The following STAU1 variants were observed in gnomAD, a reference collection of about 807,000 sequenced individuals.
STAU1 encodes the protein staufen double-stranded RNA binding protein 1.
A neutral mutation model predicts 62.9 loss-of-function variants in STAU1; 13 were observed. The observed-to-expected ratio is 0.21, with a 90% CI of 0.13 to 0.33. STAU1 has a LOEUF of 0.33. Ranked by LOEUF, STAU1 falls within the 10% of genes least tolerant of loss-of-function variation. STAU1 has a pLI of 1.00. For missense variants in STAU1, 571 were observed against 712.1 expected, an observed-to-expected ratio of 0.80 and a Z score of 2.25; for synonymous variants, 269 against 265.1, an observed-to-expected ratio of 1.01 and a Z score of -0.14.
intron 6 of STAU1, among the ~76,000 whole-genome samples, chr20:49,133,113 A>C (rs1280297858): frequency 6.6e-6 from 1 of 152,198 alleles, no homozygotes; most frequent in African/African-American, 2.4e-5. Flanking sequence ...GCACTCCTAC[A>C]ATTCTTTTAT....
chr20:49,202,992 A>G, the STAU1 span, among the ~76,000 whole-genome samples: 1 of 152,134 alleles, frequency 6.6e-6, no homozygotes, highest in Admixed American at 6.6e-5. Flanking sequence ...CAGTGAGCTG[A>G]GATCACACCA....
At chr20:49,195,898 C>CAAAAAAAAA in the STAU1 span, among the ~76,000 whole-genome samples, 3 of 33,858 alleles carry the variant, frequency 8.9e-5, no homozygotes, top group Admixed American at 6.2e-4. Context: ...AACTTCCTCT[C>CAAAAAAAAA]AAAAAAAAAA....
Position 49,117,472 on chromosome 20 carries a change from CAG to C in STAU1, c.1510-226_1510-225del, listed in dbSNP as rs1327954073. ...AGAAGCCATATCCTTTCCTACCAGA[CAG>C]AAAGTGTCAGCACGATGAGTCTGTT... On this transcript the variant is annotated intron_variant, in intron 11 of 13. Transcript: ENST00000371856. The surrounding 1 kb of genome is among the most constrained non-coding windows in gnomAD (Gnocchi z 4.6). 6.6e-6 allele frequency among the ~76,000 whole-genome samples: 1 copy of C among 152,194 alleles called. No homozygotes were observed. The highest frequency in any genetic ancestry group is 6.5e-5 in the Admixed American group (1 of 15,282).
chr20:49,123,278 G>A (rs890714045), intron 7 of STAU1, 43 bp from the exon 8 acceptor site: 7 of 1,613,330 alleles, frequency 4.3e-6, no homozygotes, highest in Middle Eastern at 3.3e-4. Flanking sequence ...GTTATTCACC[G>A]CATGAACTTG....
At chr20:49,116,613 A>C (rs1227445749) in intron 12 of STAU1, among the ~76,000 whole-genome samples, 1 of 148,586 alleles carries the variant, frequency 6.7e-6, no homozygotes, top group Admixed American at 6.6e-5. Context: ...TGCTGGGATT[A>C]GTGTGAGCCA....
chr20:49,158,372 GA>G, intron 3 of STAU1: 4 of 1,101,282 alleles, frequency 3.6e-6, no homozygotes, highest in Non-Finnish European at 4.9e-6. Flanking sequence ...ATTTACAAGG[GA>G]AACCTGGATT....
upstream of STAU1, among the ~76,000 whole-genome samples, chr20:49,188,558 G>C (rs2093821155): frequency 6.6e-6 from 1 of 152,254 alleles, no homozygotes; most frequent in Non-Finnish European, 1.5e-5. Flanking sequence ...CCCGTCCTGA[G>C]TCCCGGGGCC....
chr20:49,144,566 G>A (rs2093082769), intron 5 of STAU1, among the ~76,000 whole-genome samples: 2 of 152,150 alleles, frequency 1.3e-5, no homozygotes, highest in African/African-American at 4.8e-5. Flanking sequence ...CTTCTGATTT[G>A]TTAATCATCA....
At chr20:49,152,507 A>C (rs2093272079) in intron 4 of STAU1, among the ~76,000 whole-genome samples, 2 of 151,246 alleles carry the variant, frequency 1.3e-5, no homozygotes, top group Admixed American at 1.3e-4. Context: ...CCATGCCTGT[A>C]TTTTTAGTAT....
chr20:49,126,106 A>G (rs1397542083), intron 6 of STAU1, among the ~76,000 whole-genome samples: 1 of 151,984 alleles, frequency 6.6e-6, no homozygotes, highest in Non-Finnish European at 1.5e-5. Flanking sequence ...TCTCAGAAGC[A>G]AAAACAGGCG....
rs556502242 is a variant in STAU1, at chr20:49,130,130, TG to T, written c.610-5544del. 3.2e-4 allele frequency among the ~76,000 whole-genome samples: 48 copies of T among 152,300 alleles called. 1 individual carries two copies. In the South Asian group the frequency reaches 8.9e-3, roughly 28 times the overall value. On this transcript the variant is annotated intron_variant, in intron 6 of 13. Coordinates refer to ENST00000371856, the MANE Select transcript of STAU1 (RefSeq NM_017453.4). ...GTGTGTACACACTATGTAACACTCTTGGTGATAAAAAGGAACAAACTACTGA... is the reference window on the plus strand; with the variant it reads ...GTGTGTACACACTATGTAACACTCTTGTGATAAAAAGGAACAAACTACTGA...
the STAU1 span, among the ~76,000 whole-genome samples, chr20:49,201,452 G>A: frequency 6.6e-6 from 1 of 151,994 alleles, no homozygotes; most frequent in African/African-American, 2.4e-5. Context: ...CAAAAATGGG[G>A]AATATTGGCC....
chr20:49,190,966 T>G (rs988836812), upstream of STAU1, among the ~76,000 whole-genome samples: 1 of 148,342 alleles, frequency 6.7e-6, no homozygotes. Context: ...AGTGCAATGG[T>G]GTGATCTCGG....
chr20:49,159,004 A>G (rs1177290610), intron 3 of STAU1: 3 of 1,295,758 alleles, frequency 2.3e-6, no homozygotes, highest in Non-Finnish European at 3.0e-6. Flanking sequence ...GCAGTCCATC[A>G]GGCTACTCAT....
At chr20:49,116,538 C>T (rs1166019913) in intron 12 of STAU1, among the ~76,000 whole-genome samples, 4 of 151,554 alleles carry the variant, frequency 2.6e-5, no homozygotes. Context: ...GGGGTTTCAC[C>T]ACGTTGGCCA....
chr20:49,189,317 G>A (rs2093825125), upstream of STAU1, among the ~76,000 whole-genome samples: 1 of 150,508 alleles, frequency 6.6e-6, no homozygotes, highest in Non-Finnish European at 1.5e-5. Flanking sequence ...TGTATTGTAT[G>A]GGAGGTTGGA....
chr20:49,156,908 C>T (rs988043669), intron 3 of STAU1, among the ~76,000 whole-genome samples: 3 of 150,602 alleles, frequency 2.0e-5, no homozygotes, highest in African/African-American at 7.4e-5. Context: ...GACACAGTCT[C>T]ACTCTGTCCC....
At chr20:49,183,476 T>C (rs1010500813) in intron 1 of STAU1, among the ~76,000 whole-genome samples, 1 of 152,170 alleles carries the variant, frequency 6.6e-6, no homozygotes, top group African/African-American at 2.4e-5. Context: ...GGCGACAAAC[T>C]CTGGGATTGA....
chr20:49,202,230 A>ATAAGAAAGAAAGAAAGAAAGAAAGAAAG, the STAU1 span, among the ~76,000 whole-genome samples: 3 of 130,366 alleles, frequency 2.3e-5, no homozygotes, highest in African/African-American at 8.7e-5. Context: ...AAAAAAAAAA[A>ATAAGAAAGAAAGAAAGAAAGAAAGAAAG]AAAGAAAGAA....
Sources: gnomAD v4.1 joint callset for allele counts (sites outside exome capture counted in the v4.1 genomes callset) on GRCh38, gnomAD v4.1.1 for gene constraint, Gnocchi (gnomAD v3.1) non-coding constraint, MANE v1.5 for transcripts, NCBI Gene and HGNC (gene_info 2026-07-23, HGNC 2026-07-21) for gene names.